The following FRAS1 variants were observed in gnomAD, a reference collection of about 807,000 sequenced individuals.
FRAS1 encodes the protein extracellular matrix organizing protein FRAS1.
Under a neutral mutation model 435.2 loss-of-function variants are expected in FRAS1, and 290 were observed. The observed-to-expected ratio is 0.67, with a 90% CI of 0.61 to 0.73. The LOEUF (loss-of-function observed/expected upper bound fraction) is 0.73, where lower values mean the gene tolerates loss of function less well. Ranked by LOEUF, FRAS1 falls within the 30% of genes least tolerant of loss-of-function variation. FRAS1 has a pLI of 0.00. For missense variants in FRAS1, 4,860 were observed against 5,001.5 expected (o/e 0.97, Z 0.85); for synonymous variants, 1,800 against 1,851.0 (o/e 0.97, Z 0.71).
At chr4:78,410,356 T>TA (rs1206423550) in intron 31 of FRAS1, among the ~76,000 whole-genome samples, 1 of 151,690 alleles carries the variant, frequency 6.6e-6, no homozygotes, top group Non-Finnish European at 1.5e-5. Context: ...CCATTGGAGT[T>TA]ATTTGGCACT....
intron 2 of FRAS1, among the ~76,000 whole-genome samples, chr4:78,090,683 A>G (rs1308717605): frequency 6.6e-6 from 1 of 152,166 alleles, no homozygotes; most frequent in Non-Finnish European, 1.5e-5. Flanking sequence ...TGTTGTGAAA[A>G]ATGATTTTCT....
At chr4:78,228,259 A>G (rs1004739599) in intron 2 of FRAS1, among the ~76,000 whole-genome samples, 1 of 152,228 alleles carries the variant, frequency 6.6e-6, no homozygotes, top group Non-Finnish European at 1.5e-5. Flanking sequence ...TTATAAGCTT[A>G]AGCTACAGTA....
At chr4:78,401,970 A>G (rs779832290) in intron 30 of FRAS1, among the ~76,000 whole-genome samples, 23 of 152,006 alleles carry the variant, frequency 1.5e-4, no homozygotes, top group Non-Finnish European at 2.9e-4. Context: ...CAGAATTTAA[A>G]ATTATGGAAT....
chr4:78,439,885 C>T lies in FRAS1; in HGVS notation c.5529+821C>T, dbSNP rs1256079261. On this transcript the variant is annotated intron_variant, in intron 40 of 73. Coordinates refer to ENST00000512123, the MANE Select transcript of FRAS1 (RefSeq NM_025074.7). ...TATGGAAACCCCCTAGTGCAGTACC[C>T]AGTTCATGGTAGGGATTCCACAGAA... Among the ~76,000 whole-genome samples, 8 of 152,234 alleles carry T rather than the reference C, an allele frequency of 5.3e-5. No individual in the cohort carries two copies. In the South Asian group the frequency reaches 1.0e-3, roughly 20 times the overall value.
chr4:78,259,804 A>T (rs988478318), intron 6 of FRAS1, among the ~76,000 whole-genome samples: 2 of 150,670 alleles, frequency 1.3e-5, no homozygotes, highest in South Asian at 2.1e-4. Flanking sequence ...CTGAATGGTA[A>T]TGCCTAGGTT....
At chr4:78,125,244 T>C (rs1032452964) in intron 2 of FRAS1, among the ~76,000 whole-genome samples, 21 of 152,214 alleles carry the variant, frequency 1.4e-4, no homozygotes, top group African/African-American at 4.8e-4. Context: ...ATTTGGTTAT[T>C]TACCCAGTAG....
In FRAS1 at chr4:78,542,024, T is replaced by C. The variant is rs1208533229; in HGVS notation, c.*900T>C. The C allele has an allele frequency of 1.3e-5, 2 of 152,260 alleles. No individual in the cohort carries two copies. Among genetic ancestry groups the C allele is most frequent in the Non-Finnish European group, 2.9e-5 (2 of 68,054 alleles). 9.4% of individuals were successfully genotyped at this position (152,260 alleles called of 1,614,324 possible). A position where few individuals can be genotyped will look rare whatever the true frequency, so the allele number is the denominator to read the frequency against. On this transcript the variant is annotated 3_prime_UTR_variant, in exon 74 of 74. Transcript: ENST00000512123. ...CCACACTTTCCTCCTACTCCGGTCTTTGCCCGTTCCTGTAACAGACAATCC... is the reference window on the plus strand; with the variant it reads ...CCACACTTTCCTCCTACTCCGGTCTCTGCCCGTTCCTGTAACAGACAATCC...
At chr4:78,395,192 C>T (rs1732607530) in intron 29 of FRAS1, among the ~76,000 whole-genome samples, 1 of 151,804 alleles carries the variant, frequency 6.6e-6, no homozygotes. Flanking sequence ...TTTCTGTTGC[C>T]TAATTGCTCT....
intron 2 of FRAS1, among the ~76,000 whole-genome samples, chr4:78,201,408 A>G (rs1996388): frequency 0.96 from 145,987 of 152,330 alleles, 70,247 homozygotes; most frequent in East Asian, 1. Context: ...GAGGAACTCG[A>G]AACTTTAGCC....
At chr4:78,452,666 C>T (rs906785822) in intron 47 of FRAS1, among the ~76,000 whole-genome samples, 1 of 152,200 alleles carries the variant, frequency 6.6e-6, no homozygotes, top group Non-Finnish European at 1.5e-5. Flanking sequence ...CTCCCTTGAG[C>T]ACATGGCACT....
intron 38 of FRAS1, among the ~76,000 whole-genome samples, chr4:78,433,796 C>G (rs1734307316): frequency 6.6e-6 from 1 of 152,200 alleles, no homozygotes. Flanking sequence ...ATCACCAGAG[C>G]TTGAAAAATG....
chr4:78,308,805 G>A (rs757332801), intron 15 of FRAS1, among the ~76,000 whole-genome samples: 1 of 152,068 alleles, frequency 6.6e-6, no homozygotes, highest in Non-Finnish European at 1.5e-5. Flanking sequence ...CATGGCTTTC[G>A]GCACATTAGT....
chr4:78,538,679 G>A (rs1472467712), intron 72 of FRAS1, among the ~76,000 whole-genome samples: 3 of 152,174 alleles, frequency 2.0e-5, no homozygotes. Context: ...AGAGGTCCGG[G>A]CGCGGTGGCT....
At chr4:78,457,860 A>C (rs1490703281) in intron 47 of FRAS1, among the ~76,000 whole-genome samples, 1 of 152,204 alleles carries the variant, frequency 6.6e-6, no homozygotes. Flanking sequence ...CCTTTCAAAC[A>C]AGCATCTCTT....
At chr4:78,519,512 T>C in intron 67 of FRAS1, 31 bp downstream of exon 67, 1 of 1,595,062 alleles carries the variant, frequency 6.3e-7, no homozygotes, top group Non-Finnish European at 8.5e-7. Context: ...ACTATCCCTT[T>C]AGTTAGGGCT....
intron 47 of FRAS1, among the ~76,000 whole-genome samples, chr4:78,462,162 G>T (rs1013268326): frequency 4.6e-5 from 7 of 152,180 alleles, no homozygotes; most frequent in African/African-American, 1.7e-4. Flanking sequence ...CTGAGGTCAG[G>T]AGTTAGAGAC....
At chr4:78,304,588 T>A (rs1372488612) in intron 14 of FRAS1, among the ~76,000 whole-genome samples, 1 of 151,998 alleles carries the variant, frequency 6.6e-6, no homozygotes, top group Non-Finnish European at 1.5e-5. Flanking sequence ...CCTGGTTTAG[T>A]CTTGGGAGAG....
chr4:78,338,196 C>G (rs1043983915), intron 20 of FRAS1, among the ~76,000 whole-genome samples: 3 of 151,988 alleles, frequency 2.0e-5, no homozygotes, highest in East Asian at 1.9e-4. Context: ...TGTGGAGAAT[C>G]TTTGCCATCA....
At chr4:78,118,503 C>T (rs943305493) in intron 2 of FRAS1, among the ~76,000 whole-genome samples, 8 of 152,132 alleles carry the variant, frequency 5.3e-5, no homozygotes, top group Non-Finnish European at 1.2e-4. Flanking sequence ...TTTACCTACT[C>T]AAGACTTGGC....
Sources: gnomAD v4.1 joint callset for allele counts (sites outside exome capture counted in the v4.1 genomes callset) on GRCh38, gnomAD v4.1.1 for gene constraint, MANE v1.5 for transcripts, NCBI Gene and HGNC (gene_info 2026-07-23, HGNC 2026-07-21) for gene names.